CENATAC: variants seen among roughly 807,000 people sequenced by gnomAD.
CENATAC encodes centrosomal AT-AC splicing factor, also known as coiled-coil domain containing 84.
Under a neutral mutation model 53.7 loss-of-function variants are expected in CENATAC, and 53 were observed. The ratio of observed to expected loss-of-function variants is 0.99; its 90% CI spans 0.79 to 1.24. The LOEUF (loss-of-function observed/expected upper bound fraction) is 1.24. CENATAC is among the 50% of genes most tolerant of loss of function. The pLI, the probability that CENATAC is intolerant of heterozygous loss-of-function variation, is 0.00. For missense variants in CENATAC, 474 were observed against 417.8 expected (o/e 1.13, Z -1.17); for synonymous variants, 156 against 144.6 (o/e 1.08, Z -0.57).
intron 9 of CENATAC, 66 bp downstream of exon 9, chr11:119,015,149 T>G (rs1482770525): frequency 1.3e-6 from 2 of 1,481,814 alleles, no homozygotes; most frequent in East Asian, 4.5e-5. Context: ...TCCTTGCCTG[T>G]GTGTGGTGGC....
chr11:119,000,171 C>T (rs1219995387), intron 3 of CENATAC, among the ~76,000 whole-genome samples: 2 of 152,222 alleles, frequency 1.3e-5, no homozygotes, highest in Non-Finnish European at 2.9e-5. Flanking sequence ...TTTAAGCCAA[C>T]CTTCTTTCTA....
At chr11:119,011,795 G>A in intron 5 of CENATAC, 144 bp from the exon 6 acceptor site, 2 of 687,098 alleles carry the variant, frequency 2.9e-6, no homozygotes, top group Non-Finnish European at 5.1e-6. Context: ...AGGGAGGGAG[G>A]GAAGAGTCTG....
intron 3 of CENATAC, among the ~76,000 whole-genome samples, chr11:119,000,441 T>C (rs1474328496): frequency 6.6e-6 from 1 of 151,040 alleles, no homozygotes; most frequent in Non-Finnish European, 1.5e-5. Flanking sequence ...AATTTCCTTT[T>C]TTTTTTTTTT....
intron 3 of CENATAC, among the ~76,000 whole-genome samples, chr11:119,002,732 A>T (rs1368719090): frequency 6.7e-6 from 1 of 150,262 alleles, no homozygotes; most frequent in Non-Finnish European, 1.5e-5. Flanking sequence ...TGTAACAGGC[A>T]TAAGAAGTAA....
At chr11:119,010,928 A>G in intron 4 of CENATAC, 98 bp downstream of exon 4, 1 of 1,011,222 alleles carries the variant, frequency 9.9e-7, no homozygotes, top group South Asian at 1.4e-5. Flanking sequence ...GGATGGTTTC[A>G]GAATGAGACT....
At chr11:119,012,849 G>C (rs1015056185) in intron 7 of CENATAC, 1 of 187,828 alleles carries the variant, frequency 5.3e-6, no homozygotes, top group Non-Finnish European at 1.1e-5. Flanking sequence ...TTCATAAAAG[G>C]CTTATCTGAA....
chr11:118,999,186 T>C (rs1207005679), intron 3 of CENATAC, 77 bp downstream of exon 3: 13 of 1,125,926 alleles, frequency 1.2e-5, no homozygotes, highest in Non-Finnish European at 1.7e-5. Context: ...CTTACTCTAT[T>C]AACTGGAAAG....
chr11:119,015,354 A>C lies in CENATAC; in HGVS notation c.853A>C (p.Asn285His). 1 of 1,614,158 alleles carries C rather than the reference A, an allele frequency of 6.2e-7. No homozygotes were observed. Among genetic ancestry groups the C allele is most frequent in the East Asian group, 2.2e-5 (1 of 44,890 alleles). ...KKLPPDRVGA[N>H]FDHSSRTSAG... is the part of the protein sequence containing the mutation. Reference sequence around the variant, plus strand: ...ACTCCCCCCAGACCGAGTTGGGGCCAACTTTGATCACAGCTCCAGGACCAG... The same window carrying C: ...ACTCCCCCCAGACCGAGTTGGGGCCCACTTTGATCACAGCTCCAGGACCAG... Residue 285 changes from asparagine to histidine, a missense_variant, in exon 10 of 11, where the codon AAC becomes CAC. Asn to His is a moderately conservative substitution (Grantham distance 68, BLOSUM62 1). Transcript: ENST00000334418.
intron 3 of CENATAC, among the ~76,000 whole-genome samples, chr11:119,000,400 C>T (rs1483977200): frequency 2.0e-5 from 3 of 150,926 alleles, no homozygotes; most frequent in Non-Finnish European, 2.9e-5. Context: ...GTTTTCATGC[C>T]TCCTGGCATA....
chr11:119,003,734 T>C (rs185790814), intron 3 of CENATAC: 54 of 164,516 alleles, frequency 3.3e-4, no homozygotes, highest in Admixed American at 1.8e-3. Context: ...TTCTCCTGCC[T>C]CAGCCTTCCG....
chr11:119,015,115 A>G, intron 9 of CENATAC, 32 bp downstream of exon 9: 1 of 1,552,064 alleles, frequency 6.4e-7, no homozygotes, highest in Non-Finnish European at 8.8e-7. Flanking sequence ...AGGATCGTCT[A>G]AATCTTCACA....
intron 3 of CENATAC, among the ~76,000 whole-genome samples, chr11:119,005,492 T>C (rs1159252185): frequency 6.6e-6 from 1 of 151,640 alleles, no homozygotes; most frequent in Non-Finnish European, 1.5e-5. Context: ...TTTTTTTTTT[T>C]ACAATTCCAC....
intron 3 of CENATAC, 63 bp from the exon 4 acceptor site, chr11:119,010,701 G>A: frequency 7.2e-7 from 1 of 1,390,446 alleles, no homozygotes; most frequent in South Asian, 1.2e-5. Context: ...TATCTACTGA[G>A]GAGCTTTTCG....
At chr11:119,001,719 T>A (rs1189044843) in intron 3 of CENATAC, 8 of 451,700 alleles carry the variant, frequency 1.8e-5, no homozygotes, top group Non-Finnish European at 2.7e-5. Flanking sequence ...GTCAACTGTA[T>A]TTGCTTATTT....
chr11:119,015,494 G>C, intron 10 of CENATAC, 44 bp from the exon 11 acceptor site: 2 of 1,613,916 alleles, frequency 1.2e-6, no homozygotes, highest in Non-Finnish European at 1.7e-6. Flanking sequence ...CCTTTTTGGA[G>C]ATGTCACCCT....
intron 6 of CENATAC, 32 bp from the exon 7 acceptor site, chr11:119,012,117 C>T: frequency 1.9e-6 from 3 of 1,614,112 alleles, no homozygotes; most frequent in Non-Finnish European, 2.5e-6. Context: ...GGCTCAAGGA[C>T]CTCATCTGGC....
chr11:119,014,577 AAAC>A (rs1943053893), intron 8 of CENATAC: 1 of 153,380 alleles, frequency 6.5e-6, no homozygotes, highest in South Asian at 2.0e-4. Context: ...CCTCTCAAAA[AAAC>A]AAAAGGCCAG....
chr11:119,003,133 A>G lies in CENATAC; in HGVS notation c.383+4024A>G, dbSNP rs556713565. 1.1e-5 allele frequency: 4 copies of G among 364,108 alleles called. No homozygotes were observed. The East Asian group carries it at 3.0e-4, about 27-fold the overall frequency. 22.6% of individuals were successfully genotyped at this position (364,108 alleles called of 1,614,324 possible). ...GACCTTGGCCACATCAGTGTCATAG[A>G]GCTTCTCTGGTGCTGTGGCTTAACA... On this transcript the variant is annotated intron_variant, in intron 3 of 10. Transcript: ENST00000334418.
intron 3 of CENATAC, chr11:119,001,568 T>G: frequency 2.2e-6 from 1 of 452,034 alleles, no homozygotes; most frequent in South Asian, 1.6e-5. Flanking sequence ...TACATATATT[T>G]TATGCATTCA....
Sources: gnomAD v4.1 joint callset for allele counts (sites outside exome capture counted in the v4.1 genomes callset) on GRCh38, gnomAD v4.1.1 for gene constraint, MANE v1.5 for transcripts, NCBI Gene and HGNC (gene_info 2026-07-23, HGNC 2026-07-21) for gene names.